SKOR2: variants seen among roughly 807,000 people sequenced by gnomAD.
SKOR2 encodes the protein SKI family transcriptional corepressor 2, also known as LBX1 corepressor 1-like protein.
SKOR2 carries 47 observed loss-of-function variants against 69.1 expected under a neutral mutation model. The ratio of observed to expected loss-of-function variants is 0.68; its 90% CI spans 0.54 to 0.87. The LOEUF is 0.87. Ranked by LOEUF, SKOR2 falls within the 40% of genes least tolerant of loss-of-function variation. The probability of loss-of-function intolerance (pLI) is 0.00; values close to 1 mark genes in which losing one functional copy is unlikely to be tolerated. For missense variants in SKOR2, 1,404 were observed against 1,472.2 expected (o/e 0.95, Z 0.76); for synonymous variants, 717 against 672.6 (o/e 1.07, Z -1.02).
In SKOR2 at chr18:47,246,624, G is replaced by GGCTGCT. The variant is rs1247298187; in HGVS notation, c.2554_2559dup (p.Ser852_Ser853dup). The GGCTGCT allele has an allele frequency of 2.2e-5, 34 of 1,522,274 alleles. No homozygotes were observed. Among genetic ancestry groups the GGCTGCT allele is most frequent in the Non-Finnish European group, 2.9e-5 (33 of 1,141,480 alleles). 94.3% of individuals were successfully genotyped at this position (1,522,274 alleles called of 1,614,324 possible). On this transcript the variant is annotated inframe_insertion, in exon 2 of 9. Transcript: ENST00000425639. Reference sequence around the variant, plus strand: ...GATGGATGGTGAACTGGGCTGCCCGGGCTGCTGCTGCCGCCGCCACTCGCC... The same window carrying GGCTGCT: ...GATGGATGGTGAACTGGGCTGCCCGGGCTGCTGCTGCTGCTGCCGCCGCCACTCGCC...
chr18:47,243,869 A>G (rs902525312), intron 4 of SKOR2, among the ~76,000 whole-genome samples: 2 of 152,230 alleles, frequency 1.3e-5, no homozygotes, highest in Non-Finnish European at 2.9e-5. Context: ...GCCACTAACC[A>G]ATGATATGCT....
At chr18:47,210,892 A>G (rs1429510109) in intron 8 of SKOR2, among the ~76,000 whole-genome samples, 1 of 152,168 alleles carries the variant, frequency 6.6e-6, no homozygotes, top group African/African-American at 2.4e-5. Flanking sequence ...TTGGCTTTGC[A>G]ACATGAACAT....
intron 7 of SKOR2, among the ~76,000 whole-genome samples, chr18:47,217,952 T>G (rs1405898165): frequency 6.6e-6 from 1 of 152,222 alleles, no homozygotes; most frequent in Non-Finnish European, 1.5e-5. Flanking sequence ...TCTAGATAGA[T>G]GAATACATGT....
Position 47,245,495 on chromosome 18 carries a change from T to TTTTTTTTA in SKOR2, c.2677+2_2677+3insTAAAAAAA. 6.8e-7 allele frequency: 1 copy of TTTTTTTTA among 1,470,326 alleles called. No individual in the cohort carries two copies. The highest frequency in any genetic ancestry group is 9.0e-7 in the Non-Finnish European group (1 of 1,116,538). The allele number at this position is 1,470,326 out of a possible 1,614,324, so 91.1% of individuals were successfully genotyped here. ...GGCAGCTGATTTTTTTTTTTTTTTT[T>TTTTTTTTA]ACCTGAAAAGCTGTTGTCATCCTTT... On this transcript the variant is annotated splice_region_variant and intron_variant, in intron 3 of 8. Transcript: ENST00000425639.
chr18:47,235,800 AAC>A lies in SKOR2; in HGVS notation c.2753-4802_2753-4801del, dbSNP rs1491531407. ...ACAAGCAAAAAAAAAAAAAAAAAAA[AAC>A]AGCCAACAGATTCAATAGCACTAGC... On this transcript the variant is annotated intron_variant, in intron 4 of 8. Transcript: ENST00000425639. Among the ~76,000 whole-genome samples the A allele has an allele frequency of 9.3e-4, 140 of 150,808 alleles. 1 individual carries two copies. Among genetic ancestry groups the A allele is most frequent in the African/African-American group, 1.6e-3 (67 of 40,976 alleles).
At position 47,245,586 on chromosome 18, in the gene SKOR2, C is replaced by G. The variant is rs771602838; in HGVS notation, c.2614-25G>C. The G allele has an allele frequency of 6.2e-6, 9 of 1,445,758 alleles. No homozygotes were observed. In the South Asian group the frequency reaches 1.1e-4, roughly 17 times the overall value. The allele number at this position is 1,445,758 out of a possible 1,614,324, so 89.6% of individuals were successfully genotyped here. On this transcript the variant is annotated intron_variant, in intron 2 of 8. Transcript: ENST00000425639. ...TCTGTGTGGAAAAGAATTAGACATACAAATCAATGCCCGGATCAAACCATA... is the reference window on the plus strand; with the variant it reads ...TCTGTGTGGAAAAGAATTAGACATAGAAATCAATGCCCGGATCAAACCATA...
Position 47,247,141 on chromosome 18 carries a change from C to T in SKOR2, c.2043G>A (p.Pro681=). 2 of 779,440 alleles carry T rather than the reference C, an allele frequency of 2.6e-6. No individual in the cohort carries two copies. Among genetic ancestry groups the T allele is most frequent in the Non-Finnish European group, 3.0e-6 (2 of 664,566 alleles). The allele number at this position is 779,440 out of a possible 1,614,324, so 48.3% of individuals were successfully genotyped here. The change falls in exon 2 of 9, where the codon CCG becomes CCA. Residue 681 remains proline (P), a synonymous_variant. Transcript: ENST00000425639. The surrounding 1 kb of genome is among the most constrained non-coding windows in gnomAD (Gnocchi z 6.6). The stretch of plus-strand genomic sequence containing the variant: ...GCTCGGAACCCGGCTCGTCGGGCTG[C>T]GGGGGCAGCAGCAGAAGCGGCGACG... The part of the protein sequence containing the change: ...QPPSPLLLLP[P]QPDEPGSERH...
chr18:47,226,525 A>C (rs1186397970), intron 6 of SKOR2, among the ~76,000 whole-genome samples: 7 of 152,052 alleles, frequency 4.6e-5, no homozygotes, highest in Non-Finnish European at 8.8e-5. Flanking sequence ...CTTTTTCCTT[A>C]GTATATCCTC....
intron 6 of SKOR2, among the ~76,000 whole-genome samples, chr18:47,226,345 G>A (rs965480347): frequency 6.6e-6 from 1 of 152,096 alleles, no homozygotes; most frequent in Non-Finnish European, 1.5e-5. Flanking sequence ...TTGGAATGGT[G>A]GAATTGGGAG....
intron 1 of SKOR2, among the ~76,000 whole-genome samples, chr18:47,249,904 G>T (rs2064305369): frequency 6.6e-6 from 1 of 152,190 alleles, no homozygotes; most frequent in Non-Finnish European, 1.5e-5. Flanking sequence ...CACCAAAATA[G>T]AATGTTTCAG....
chr18:47,244,339 T>G (rs575582212), intron 4 of SKOR2, among the ~76,000 whole-genome samples: 1 of 152,326 alleles, frequency 6.6e-6, no homozygotes, highest in South Asian at 2.1e-4. Context: ...ATTAGATTCC[T>G]TTTTCCCAAG....
At chr18:47,216,989 T>C (rs1283818653) in intron 7 of SKOR2, among the ~76,000 whole-genome samples, 1 of 152,230 alleles carries the variant, frequency 6.6e-6, no homozygotes, top group Non-Finnish European at 1.5e-5. Context: ...AATCTTTAGA[T>C]AGAATTTTCT....
chr18:47,207,625 A>G (rs1425181759), intron 8 of SKOR2, among the ~76,000 whole-genome samples: 15 of 152,350 alleles, frequency 9.8e-5, no homozygotes, highest in Admixed American at 9.8e-4. Context: ...GAGATTCTTA[A>G]AAGAACCTCT....
chr18:47,230,352 GT>G (rs2064192935), intron 6 of SKOR2, 106 bp downstream of exon 6: 3 of 637,530 alleles, frequency 4.7e-6, no homozygotes, highest in African/African-American at 4.1e-5. Context: ...TGGGAAGACT[GT>G]GTGTGTTTTG....
At chr18:47,238,251 G>T (rs750918218) in intron 4 of SKOR2, among the ~76,000 whole-genome samples, 19 of 151,264 alleles carry the variant, frequency 1.3e-4, no homozygotes, top group Non-Finnish European at 2.4e-4. Flanking sequence ...CAGAAAAAAA[G>T]AAAGAAAGTG....
intron 1 of SKOR2, among the ~76,000 whole-genome samples, chr18:47,249,734 A>G (rs530126277): frequency 2.0e-5 from 3 of 152,340 alleles, no homozygotes; most frequent in South Asian, 2.1e-4. Context: ...CTTGGTGTCT[A>G]TGGTTTCCTT....
At chr18:47,234,528 A>T (rs1439667705) in intron 4 of SKOR2, 1 of 152,128 alleles carries the variant, frequency 6.6e-6, no homozygotes, top group Non-Finnish European at 1.5e-5. Context: ...ATTTTAGTAT[A>T]TGTGCTGCCA....
chr18:47,223,344 C>T (rs1174704507), intron 6 of SKOR2, among the ~76,000 whole-genome samples: 1 of 152,154 alleles, frequency 6.6e-6, no homozygotes, highest in Non-Finnish European at 1.5e-5. Flanking sequence ...AAAATTTCCT[C>T]TTAAGTTGGC....
Position 47,248,254 on chromosome 18 carries a change from G to T in SKOR2, c.930C>A (p.Arg310=). The change falls in exon 2 of 9, where the codon CGC becomes CGA. Residue 310 remains arginine (R), a synonymous_variant. Transcript: ENST00000425639. This position sits in a 1 kb window ranked among gnomAD's most constrained non-coding sequence, Gnocchi z 6.4. ...GCAAGGAGTCGTCGTCGTCGTCGAAGCGCGGCCGCTTGTGATGGGCGTGCG... is the reference window on the plus strand; with the variant it reads ...GCAAGGAGTCGTCGTCGTCGTCGAATCGCGGCCGCTTGTGATGGGCGTGCG... ...GAPHAHHKRP[R]FDDDDDSLQE... is the part of the protein sequence containing the mutation. 2 of 1,222,060 alleles carry T rather than the reference G, an allele frequency of 1.6e-6. No individual in the cohort carries two copies. The highest frequency in any genetic ancestry group is 2.0e-6 in the Non-Finnish European group (2 of 983,492). The allele number at this position is 1,222,060 out of a possible 1,614,324, so 75.7% of individuals were successfully genotyped here. A position where few individuals can be genotyped will look rare whatever the true frequency, so the allele number is the denominator to read the frequency against.
Sources: gnomAD v4.1 joint callset for allele counts (sites outside exome capture counted in the v4.1 genomes callset) on GRCh38, gnomAD v4.1.1 for gene constraint, Gnocchi (gnomAD v3.1) non-coding constraint, MANE v1.5 for transcripts, NCBI Gene and HGNC (gene_info 2026-07-23, HGNC 2026-07-21) for gene names.